The following TRAPPC9 variants were observed in gnomAD, a reference collection of about 807,000 sequenced individuals.
TRAPPC9 encodes the protein IKK2 binding protein.
Under a neutral mutation model 124.0 loss-of-function variants are expected in TRAPPC9, and 83 were observed. That is an observed-to-expected ratio of 0.67 (90% CI 0.56 to 0.80). The LOEUF (loss-of-function observed/expected upper bound fraction) is 0.80, where lower values mean the gene tolerates loss of function less well. Among genes scored for constraint, TRAPPC9 ranks in the 30% least tolerant of loss-of-function variants. The probability of loss-of-function intolerance (pLI) is 0.00; values close to 1 mark genes in which losing one functional copy is unlikely to be tolerated. For synonymous variants in TRAPPC9, 638 were observed against 617.5 expected (o/e 1.03, Z -0.49); for missense variants, 1,302 against 1,508.3 (o/e 0.86, Z 2.27).
intron 9 of TRAPPC9, 92 bp from the exon 10 acceptor site, chr8:140,311,466 A>G: frequency 6.8e-7 from 1 of 1,461,738 alleles, no homozygotes; most frequent in South Asian, 1.2e-5. Context: ...ATGACAGTCC[A>G]GTGAGTCCAA....
At chr8:140,053,002 C>A (rs1314039260) in intron 17 of TRAPPC9, among the ~76,000 whole-genome samples, 3 of 151,996 alleles carry the variant, frequency 2.0e-5, no homozygotes, top group African/African-American at 7.3e-5. Flanking sequence ...AAACAAATAC[C>A]CATGACCCCC....
At chr8:139,991,100 T>C (rs1274792114) in intron 18 of TRAPPC9, among the ~76,000 whole-genome samples, 1 of 152,246 alleles carries the variant, frequency 6.6e-6, no homozygotes, top group Non-Finnish European at 1.5e-5. Context: ...TGAAGATCTA[T>C]TCCTCTGTTG....
chr8:140,369,673 C>A (rs1588230671), intron 8 of TRAPPC9, among the ~76,000 whole-genome samples: 1 of 152,064 alleles, frequency 6.6e-6, no homozygotes, highest in Non-Finnish European at 1.5e-5. Context: ...CTGAAGAGGC[C>A]GGGCATGGTG....
intron 18 of TRAPPC9, among the ~76,000 whole-genome samples, chr8:140,004,129 C>A (rs1838587777): frequency 6.6e-6 from 1 of 152,160 alleles, no homozygotes; most frequent in Non-Finnish European, 1.5e-5. Flanking sequence ...ATAAGACATT[C>A]TGGAAAAACC....
At chr8:139,912,669 T>C (rs1831827769) in intron 19 of TRAPPC9, among the ~76,000 whole-genome samples, 1 of 152,240 alleles carries the variant, frequency 6.6e-6, no homozygotes. Context: ...TCTTTGCTAG[T>C]AATAGGCAAA....
At chr8:139,865,855 C>T (rs890155019) in intron 21 of TRAPPC9, among the ~76,000 whole-genome samples, 4 of 152,176 alleles carry the variant, frequency 2.6e-5, no homozygotes, top group African/African-American at 4.8e-5. Flanking sequence ...GACCATGGCT[C>T]GTGACACAGC....
At chr8:140,316,207 T>C (rs2066439412) in intron 9 of TRAPPC9, among the ~76,000 whole-genome samples, 1 of 152,124 alleles carries the variant, frequency 6.6e-6, no homozygotes, top group South Asian at 2.1e-4. Flanking sequence ...TCAAGCAGAA[T>C]GGGAATTAAC....
chr8:140,300,328 CAT>C, intron 11 of TRAPPC9, 139 bp downstream of exon 11: 7 of 1,059,388 alleles, frequency 6.6e-6, no homozygotes, highest in South Asian at 1.3e-5. Flanking sequence ...CATATACACA[CAT>C]ATGCATGCGT....
At chr8:140,019,142 T>C (rs1839664054) in intron 18 of TRAPPC9, among the ~76,000 whole-genome samples, 1 of 152,244 alleles carries the variant, frequency 6.6e-6, no homozygotes, top group Admixed American at 6.5e-5. Context: ...AACCTCATAC[T>C]TCTGAGTAAA....
chr8:139,787,499 G>A (rs980832478), intron 21 of TRAPPC9, among the ~76,000 whole-genome samples: 2 of 152,104 alleles, frequency 1.3e-5, no homozygotes, highest in Non-Finnish European at 2.9e-5. Context: ...GGGCCTGCCT[G>A]GCTCTGTCCT....
intron 17 of TRAPPC9, among the ~76,000 whole-genome samples, chr8:140,144,464 TTTCATTCATTCA>T (rs67174670): frequency 0.022 from 3,292 of 150,466 alleles, 57 homozygotes; most frequent in Non-Finnish European, 0.031. Context: ...CTATTTTTCT[TTTCATTCATTCA>T]TTCATTCATT....
chr8:140,360,170 C>G lies in TRAPPC9; in HGVS notation c.1375G>C (p.Val459Leu). Reference protein sequence around the residue: ...SRGTHRGWAAVQMRLLHELVY... With the variant: ...SRGTHRGWAALQMRLLHELVY... ...AATTCATGGAGCAAACGCATCTGGACCGCAGCCCAGCCTCTGTGCGTGCCT... is the reference window on the plus strand; with the variant it reads ...AATTCATGGAGCAAACGCATCTGGAGCGCAGCCCAGCCTCTGTGCGTGCCT... Residue 459 changes from valine to leucine, a missense_variant, in exon 9 of 23, where the codon GTC becomes CTC. This residue lies in a region of TRAPPC9 where 657 missense variants were observed against 811.2 expected (regional missense o/e 0.81). Coordinates refer to ENST00000438773, the MANE Select transcript of TRAPPC9 (RefSeq NM_001160372.4). The G allele has an allele frequency of 1.9e-6, 3 of 1,614,202 alleles. No individual in the cohort carries two copies. The highest frequency in any genetic ancestry group is 4.5e-5 in the East Asian group (2 of 44,878).
chr8:139,834,700 G>T (rs1269822056), intron 21 of TRAPPC9, among the ~76,000 whole-genome samples: 3 of 152,232 alleles, frequency 2.0e-5, no homozygotes, highest in African/African-American at 7.2e-5. Flanking sequence ...TGAACTTGGA[G>T]TCCTGCCTGG....
At chr8:140,425,987 G>A (rs930113517) in intron 5 of TRAPPC9, among the ~76,000 whole-genome samples, 1 of 152,246 alleles carries the variant, frequency 6.6e-6, no homozygotes, top group African/African-American at 2.4e-5. Flanking sequence ...AAGCGAATGT[G>A]TTAGTCACAA....
chr8:139,753,069 C>CCTCT (rs1819455004), intron 21 of TRAPPC9, among the ~76,000 whole-genome samples: 1 of 125,430 alleles, frequency 8.0e-6, no homozygotes, highest in Non-Finnish European at 1.6e-5. Context: ...CCCACCCACC[C>CCTCT]ATCTATCCAT....
At chr8:140,359,759 C>A (rs2067880395) in intron 9 of TRAPPC9, among the ~76,000 whole-genome samples, 1 of 152,112 alleles carries the variant, frequency 6.6e-6, no homozygotes, top group African/African-American at 2.4e-5. Flanking sequence ...TGGGAGGCAA[C>A]ACAGGAGGCT....
At chr8:140,085,535 G>T (rs557197729) in intron 17 of TRAPPC9, among the ~76,000 whole-genome samples, 1 of 152,162 alleles carries the variant, frequency 6.6e-6, no homozygotes, top group African/African-American at 2.4e-5. Context: ...GGGAAGCCCC[G>T]TCAGGCAGCC....
intron 20 of TRAPPC9, among the ~76,000 whole-genome samples, chr8:139,894,890 C>T (rs575362773): frequency 6.6e-6 from 1 of 152,280 alleles, no homozygotes; most frequent in East Asian, 1.9e-4. Context: ...ATCTCAGAGT[C>T]GTCCAACTGG....
chr8:140,360,340 T>A, intron 8 of TRAPPC9, 147 bp from the exon 9 acceptor site: 2 of 1,104,508 alleles, frequency 1.8e-6, no homozygotes, highest in Non-Finnish European at 2.6e-6. Flanking sequence ...CCTCTGCTTT[T>A]AATGACCCTG....
Sources: gnomAD v4.1 joint callset for allele counts (sites outside exome capture counted in the v4.1 genomes callset) on GRCh38, gnomAD v4.1.1 for gene constraint, gnomAD v4.1.1 regional missense constraint, MANE v1.5 for transcripts, NCBI Gene and HGNC (gene_info 2026-07-23, HGNC 2026-07-21) for gene names.